The following CYP26A1 variants were observed in gnomAD, a reference collection of about 807,000 sequenced individuals.
The protein encoded by CYP26A1 is cytochrome P450 26A1.
CYP26A1 carries 46 observed loss-of-function variants against 47.4 expected under a neutral mutation model. The ratio of observed to expected loss-of-function variants is 0.97; its 90% CI spans 0.77 to 1.24. The LOEUF (loss-of-function observed/expected upper bound fraction) is 1.24, where lower values mean the gene tolerates loss of function less well. Among genes scored for constraint, CYP26A1 ranks in the 50% most tolerant of loss-of-function variants. The pLI, the probability that CYP26A1 is intolerant of heterozygous loss-of-function variation, is 0.00. For synonymous variants in CYP26A1, 277 were observed against 263.7 expected, an observed-to-expected ratio of 1.05 and a Z score of -0.49; for missense variants, 680 against 644.4, an observed-to-expected ratio of 1.06 and a Z score of -0.60.
intron 5 of CYP26A1, 149 bp downstream of exon 5, chr10:93,076,109 C>T: frequency 1.6e-6 from 1 of 634,814 alleles, no homozygotes; most frequent in Middle Eastern, 4.3e-4. Flanking sequence ...GCAGAATTAG[C>T]TTTGTGAATA....
Position 93,076,954 on chromosome 10 carries a change from C to A in CYP26A1, c.1153-9C>A. 6.5e-7 allele frequency: 1 copy of A among 1,546,152 alleles called. No homozygotes were observed. The highest frequency in any genetic ancestry group is 8.8e-7 in the Non-Finnish European group (1 of 1,135,788). ...TTGTCAGCCCTTGGGGTTTCATAAT[C>A]TTTTGCAGGGATACCAGATTCCCAA... On this transcript the variant is annotated splice_polypyrimidine_tract_variant and intron_variant, in intron 6 of 6. Transcript: ENST00000224356.
chr10:93,074,326 A>G lies in CYP26A1; in HGVS notation c.208A>G (p.Met70Val). 2 of 1,606,248 alleles carry G rather than the reference A, an allele frequency of 1.2e-6. No individual in the cohort carries two copies. Among genetic ancestry groups the G allele is most frequent in the African/African-American group, 2.7e-5 (2 of 74,896 alleles). Residue 70 changes from methionine to valine, a missense_variant, in exon 2 of 7, where the codon ATG becomes GTG. Coordinates refer to ENST00000224356, the MANE Select transcript of CYP26A1 (RefSeq NM_000783.4). The surrounding 1 kb of genome is among the most constrained non-coding windows in gnomAD (Gnocchi z 5.3). ...CCCACAGCGGAGGAAGTTCCTGCAG[A>G]TGAAGCGCAGGAAATACGGCTTCAT... The part of the protein sequence containing the change: ...MVLQRRKFLQ[M>V]KRRKYGFIYK...
chr10:93,077,374 A>C lies in CYP26A1; in HGVS notation c.*70A>C. 1 of 703,604 alleles carries C rather than the reference A, an allele frequency of 1.4e-6. No individual in the cohort carries two copies. The highest frequency in any genetic ancestry group is 2.1e-6 in the Non-Finnish European group (1 of 467,348). The allele number at this position is 703,604 out of a possible 1,614,324, so 43.6% of individuals were successfully genotyped here. ...TGAGTTTTTAAGGAGTGTTGTGTTG[A>C]CTTTATATTTAATTTCTAAATGTAT... On this transcript the variant is annotated 3_prime_UTR_variant, in exon 7 of 7. Coordinates refer to ENST00000224356, the MANE Select transcript of CYP26A1 (RefSeq NM_000783.4).
In CYP26A1 at chr10:93,074,922, C is replaced by A. The variant is rs1376885914; in HGVS notation, c.558C>A (p.Phe186Leu). The A allele has an allele frequency of 5.0e-6, 8 of 1,613,304 alleles. No individual in the cohort carries two copies. The South Asian group carries it at 8.8e-5, about 18-fold the overall frequency. The change falls in exon 3 of 7, where the codon TTC becomes TTA. Residue 186 changes from phenylalanine (F) to leucine (L), a missense_variant. Physicochemically the swap from Phe to Leu is conservative, Grantham distance 22 (BLOSUM62 0). Transcript: ENST00000224356. This position sits in a 1 kb window ranked among gnomAD's most constrained non-coding sequence, Gnocchi z 5.3. ...LVYPEVKRLM[F>L]RIAMRILLGC... is the part of the protein sequence containing the mutation. ...ACCCCGAGGTGAAGCGCCTCATGTT[C>A]CGAATCGCCATGCGCATCCTACTGG...
In CYP26A1 at chr10:93,075,281, G is replaced by C. The variant is rs758275725; in HGVS notation, c.838G>C (p.Glu280Gln). ...ALQLLIEHSW[E>Q]RGERLDMQAL... is the part of the protein sequence containing the mutation. Reference sequence around the variant, plus strand: ...GCAGCTGTTGATCGAGCACTCGTGGGAGAGGGGAGAGCGGCTGGACATGCA... The same window carrying C: ...GCAGCTGTTGATCGAGCACTCGTGGCAGAGGGGAGAGCGGCTGGACATGCA... The change falls in exon 4 of 7, where the codon GAG (glutamate) becomes CAG (glutamine). Residue 280 changes from glutamate (E) to glutamine (Q), a missense_variant. Physicochemically the swap from Glu to Gln is conservative, Grantham distance 29 (BLOSUM62 2). Coordinates refer to ENST00000224356, the MANE Select transcript of CYP26A1 (RefSeq NM_000783.4). The C allele has an allele frequency of 1.2e-6, 2 of 1,614,090 alleles. No individual in the cohort carries two copies. Among genetic ancestry groups the C allele is most frequent in the South Asian group, 2.2e-5 (2 of 91,082 alleles).
At position 93,077,248 on chromosome 10, in the gene CYP26A1, G is replaced by A. The variant is rs750770595; in HGVS notation, c.1438G>A (p.Val480Met). 72 of 1,586,858 alleles carry A rather than the reference G, an allele frequency of 4.5e-5. No homozygotes were observed. Among genetic ancestry groups the A allele is most frequent in the Middle Eastern group, 3.4e-4 (2 of 5,962 alleles). The change falls in exon 7 of 7, where the codon GTG (valine) becomes ATG (methionine). Residue 480 changes from valine (V) to methionine (M), a missense_variant. Val to Met is a conservative substitution (Grantham distance 21). Transcript: ENST00000224356. The stretch of plus-strand genomic sequence containing the variant: ...TCCTACAATGAAAACCAGTCCCACC[G>A]TGTATCCTGTGGACAATCTCCCTGC... ...GPPTMKTSPT[V>M]YPVDNLPARF...
chr10:93,076,008 G>C (rs1846973887), intron 5 of CYP26A1, 48 bp downstream of exon 5: 3 of 1,508,024 alleles, frequency 2.0e-6, no homozygotes, highest in Non-Finnish European at 2.8e-6. Flanking sequence ...AGGAAATTCA[G>C]CTGCTCCCTA....
At position 93,077,296 on chromosome 10, in the gene CYP26A1, G is replaced by T; in HGVS notation, c.1486G>T (p.Glu496Ter). 6.6e-7 allele frequency: 1 copy of T among 1,520,712 alleles called. No individual in the cohort carries two copies. The highest frequency in any genetic ancestry group is 1.8e-4 in the Middle Eastern group (1 of 5,662). The allele number at this position is 1,520,712 out of a possible 1,614,324, so 94.2% of individuals were successfully genotyped here. Residue 496 changes from glutamate to a stop codon, truncating the protein, a stop_gained, in exon 7 of 7, where the codon GAA becomes TAA. Transcript: ENST00000224356. LOFTEE classifies it high-confidence loss of function. Reference sequence around the variant, plus strand: ...TGCAAGATTCACCCATTTCCATGGGGAAATCTGATGAGCTTGAATGTTCAA... The same window carrying T: ...TGCAAGATTCACCCATTTCCATGGGTAAATCTGATGAGCTTGAATGTTCAA... ...LPARFTHFHG[E>*]I is the part of the protein sequence containing the mutation.
chr10:93,073,843 G>C, upstream of CYP26A1: 1 of 612,810 alleles, frequency 1.6e-6, no homozygotes, highest in Non-Finnish European at 2.9e-6. Flanking sequence ...AGGTAACGTG[G>C]GCAGCAACCT....
At chr10:93,076,152 T>G (rs1161783209) in intron 5 of CYP26A1, among the ~76,000 whole-genome samples, 192 bp downstream of exon 5, 1 of 152,226 alleles carries the variant, frequency 6.6e-6, no homozygotes, top group Non-Finnish European at 1.5e-5. Context: ...TGAGCCCACT[T>G]GGGCAGGGTT....
At position 93,075,279 on chromosome 10, in the gene CYP26A1, G is replaced by A. The variant is rs1846963625; in HGVS notation, c.836G>A (p.Trp279Ter). ...DALQLLIEHS[W>*]ERGERLDMQA... The stretch of plus-strand genomic sequence containing the variant: ...CTGCAGCTGTTGATCGAGCACTCGT[G>A]GGAGAGGGGAGAGCGGCTGGACATG... The change falls in exon 4 of 7, where the codon TGG becomes TAG. Residue 279 changes from tryptophan (W) to a stop codon, truncating the protein, a stop_gained. Transcript: ENST00000224356. LOFTEE classifies it high-confidence loss of function. The A allele has an allele frequency of 1.2e-6, 2 of 1,613,930 alleles. No homozygotes were observed. The highest frequency in any genetic ancestry group is 1.7e-6 in the Non-Finnish European group (2 of 1,179,972).
chr10:93,073,611 C>G, upstream of CYP26A1: 1 of 359,576 alleles, frequency 2.8e-6, no homozygotes, highest in Non-Finnish European at 5.0e-6. Flanking sequence ...CTGGCCCTCC[C>G]CCACCGCCGC....
In CYP26A1 at chr10:93,075,070, G is replaced by T; in HGVS notation, c.705+1G>T. The T allele has an allele frequency of 6.2e-7, 1 of 1,611,930 alleles. No individual in the cohort carries two copies. Among genetic ancestry groups the T allele is most frequent in the Non-Finnish European group, 8.5e-7 (1 of 1,179,106 alleles). On this transcript the variant is annotated splice_donor_variant, in intron 3 of 6. Transcript: ENST00000224356. LOFTEE classifies it high-confidence loss of function. ...CGTGCCCTTCAGCGGGCTGTACCGG[G>T]TAAGGGCGGCAAACGGGCTGCGGAC...
rs1319199178 is a variant in CYP26A1 at position 93,075,896 on chromosome 10, T to C, written c.935T>C (p.Leu312Pro). The C allele has an allele frequency of 1.2e-6, 2 of 1,611,092 alleles. No homozygotes were observed. The highest frequency in any genetic ancestry group is 1.7e-5 in the Admixed American group (1 of 60,000). Residue 312 changes from leucine to proline, a missense_variant, in exon 5 of 7, where the codon CTG becomes CCG. By Grantham distance (98) the Leu-to-Pro change is moderately conservative (BLOSUM62 -3). Coordinates refer to ENST00000224356, the MANE Select transcript of CYP26A1 (RefSeq NM_000783.4). The stretch of plus-strand genomic sequence containing the variant: ...ACCACGGCCAGTGCAGCCACATCTC[T>C]GATCACTTACCTGGGGCTCTACCCA... ...HETTASAATS[L>P]ITYLGLYPHV...
intron 5 of CYP26A1, 135 bp downstream of exon 5, chr10:93,076,095 G>T (rs568289307): frequency 7.6e-6 from 5 of 660,502 alleles, no homozygotes; most frequent in Non-Finnish European, 1.3e-5. Context: ...GCGTGGGCCA[G>T]TGGGCAGAAT....
chr10:93,075,788 G>T lies in CYP26A1; in HGVS notation c.865-38G>T, dbSNP rs1485698007. 1.9e-6 allele frequency: 3 copies of T among 1,569,148 alleles called. No individual in the cohort carries two copies. In the East Asian group the frequency reaches 6.7e-5, roughly 35 times the overall value. Reference sequence around the variant, plus strand: ...GAGTAATCCTTCTGTCAAACCGCAGGCAGACTTGTGAGAATGTGGGTCTCA... The same window carrying T: ...GAGTAATCCTTCTGTCAAACCGCAGTCAGACTTGTGAGAATGTGGGTCTCA... On this transcript the variant is annotated intron_variant, in intron 4 of 6. Transcript: ENST00000224356.
Position 93,074,990 on chromosome 10 carries a change from A to G in CYP26A1, c.626A>G (p.Gln209Arg). ...GCGGGCGACGGGGACTCCGAGCAGC[A>G]GCTTGTGGAGGCCTTCGAGGAAATG... ...QLAGDGDSEQ[Q>R]LVEAFEEMTR... The change falls in exon 3 of 7, where the codon CAG becomes CGG. Residue 209 changes from glutamine (Q) to arginine (R), a missense_variant. By Grantham distance (43) the Gln-to-Arg change is conservative. Coordinates refer to ENST00000224356, the MANE Select transcript of CYP26A1 (RefSeq NM_000783.4). This position sits in a 1 kb window ranked among gnomAD's most constrained non-coding sequence, Gnocchi z 5.3. 1 of 1,613,092 alleles carries G rather than the reference A, an allele frequency of 6.2e-7. No individual in the cohort carries two copies. The highest frequency in any genetic ancestry group is 8.5e-7 in the Non-Finnish European group (1 of 1,180,008).
Position 93,077,342 on chromosome 10 carries a change from G to T in CYP26A1, c.*38G>T. On this transcript the variant is annotated 3_prime_UTR_variant, in exon 7 of 7. Transcript: ENST00000224356. Reference sequence around the variant, plus strand: ...TTCAAACCTGAGACTTATTGGAAGTGTACATATGAGTTTTTAAGGAGTGTT... The same window carrying T: ...TTCAAACCTGAGACTTATTGGAAGTTTACATATGAGTTTTTAAGGAGTGTT... The T allele has an allele frequency of 1.7e-6, 2 of 1,191,428 alleles. No individual in the cohort carries two copies. Among genetic ancestry groups the T allele is most frequent in the Non-Finnish European group, 2.3e-6 (2 of 866,058 alleles). The allele number at this position is 1,191,428 out of a possible 1,614,324, so 73.8% of individuals were successfully genotyped here.
In CYP26A1 at chr10:93,077,820, C is replaced by T. The variant is rs41290188; in HGVS notation, c.*516C>T. 2 of 152,306 alleles carry T rather than the reference C, an allele frequency of 1.3e-5. No homozygotes were observed. Among genetic ancestry groups the T allele is most frequent in the Non-Finnish European group, 2.9e-5 (2 of 68,068 alleles). The allele number at this position is 152,306 out of a possible 1,614,324, so 9.4% of individuals were successfully genotyped here. On this transcript the variant is annotated 3_prime_UTR_variant, in exon 7 of 7. Transcript: ENST00000224356. The stretch of plus-strand genomic sequence containing the variant: ...GAACCTGAAAAGGTAACACTGAGAA[C>T]TGTCACTCTAACCTCTCCAGCTTAT...
Sources: allele counts gnomAD v4.1 joint callset (sites outside exome capture counted in the v4.1 genomes callset), GRCh38; gene constraint gnomAD v4.1.1; non-coding constraint Gnocchi (gnomAD v3.1); transcripts MANE v1.5; gene names NCBI Gene and HGNC (gene_info 2026-07-23, HGNC 2026-07-21).